The following GAREM1 variants were observed in gnomAD, a reference collection of about 807,000 sequenced individuals.
GAREM1 encodes the protein GRB2 associated regulator of MAPK1 subtype 1.
GAREM1 carries 26 observed loss-of-function variants against 71.3 expected under a neutral mutation model. That is an observed-to-expected ratio of 0.36 (90% CI 0.27 to 0.51). The LOEUF (loss-of-function observed/expected upper bound fraction) is 0.51. Among genes scored for constraint, GAREM1 ranks in the 20% least tolerant of loss-of-function variants. GAREM1 has a pLI of 0.95. For synonymous variants in GAREM1, 440 were observed against 433.2 expected (o/e 1.02, Z -0.20); for missense variants, 1,026 against 1,103.1 (o/e 0.93, Z 0.99).
At chr18:32,301,416 A>C (rs2047200769) in intron 3 of GAREM1, among the ~76,000 whole-genome samples, 1 of 152,312 alleles carries the variant, frequency 6.6e-6, no homozygotes, top group African/African-American at 2.4e-5. Flanking sequence ...AACATGAAAG[A>C]GCCAATCCTC....
At chr18:32,419,310 A>G (rs150908702) in intron 1 of GAREM1, among the ~76,000 whole-genome samples, 2 of 152,276 alleles carry the variant, frequency 1.3e-5, no homozygotes, top group East Asian at 3.9e-4. Flanking sequence ...ATGGATAATA[A>G]GCTGAATGCT....
intron 1 of GAREM1, among the ~76,000 whole-genome samples, chr18:32,466,497 A>T (rs188443013): frequency 6.6e-6 from 1 of 152,222 alleles, no homozygotes; most frequent in Non-Finnish European, 1.5e-5. Flanking sequence ...GAAAAGTTTT[A>T]GCATTTAACT....
intron 4 of GAREM1, among the ~76,000 whole-genome samples, chr18:32,271,046 C>T (rs2041455153): frequency 6.6e-6 from 1 of 151,102 alleles, no homozygotes; most frequent in Non-Finnish European, 1.5e-5. Context: ...GGTGGGACCA[C>T]AGGTGTGCGC....
In GAREM1 at chr18:32,444,186, C is replaced by T. The variant is rs188387417; in HGVS notation, c.121+26122G>A. ...AGTGATAAAAATGTTCTGGAATTAA[C>T]AAATGGTGATGGTTGCACAACTCTG... On this transcript the variant is annotated intron_variant, in intron 1 of 5. Coordinates refer to ENST00000269209, the MANE Select transcript of GAREM1 (RefSeq NM_001242409.2). Among the ~76,000 whole-genome samples the T allele has an allele frequency of 3.5e-4, 53 of 152,250 alleles. 2 individuals carry two copies. Among genetic ancestry groups the T allele is most frequent in the Admixed American group, 2.2e-3 (34 of 15,284 alleles).
chr18:32,325,679 A>T (rs890735781), intron 2 of GAREM1, among the ~76,000 whole-genome samples: 1 of 152,190 alleles, frequency 6.6e-6, no homozygotes, highest in African/African-American at 2.4e-5. Flanking sequence ...GATTCAACAT[A>T]ATACTCACTG....
At chr18:32,340,261 G>C (rs2047635314) in intron 2 of GAREM1, among the ~76,000 whole-genome samples, 2 of 152,298 alleles carry the variant, frequency 1.3e-5, no homozygotes, top group South Asian at 4.1e-4. Flanking sequence ...GACAAGTGAT[G>C]GGTGTCAGTT....
chr18:32,363,088 A>C, intron 2 of GAREM1, among the ~76,000 whole-genome samples: 1 of 152,190 alleles, frequency 6.6e-6, no homozygotes, highest in East Asian at 1.9e-4. Flanking sequence ...TTAGTTTTGA[A>C]TCCAAATTGA....
intron 1 of GAREM1, among the ~76,000 whole-genome samples, chr18:32,422,404 T>TC (rs1399922077): frequency 6.6e-6 from 1 of 152,100 alleles, no homozygotes; most frequent in Non-Finnish European, 1.5e-5. Context: ...CTGGTACACC[T>TC]CTTCCCCAGG....
chr18:32,395,509 T>C (rs895947051), intron 1 of GAREM1, among the ~76,000 whole-genome samples: 2 of 152,208 alleles, frequency 1.3e-5, no homozygotes, highest in African/African-American at 4.8e-5. Flanking sequence ...AGTTCACACA[T>C]TTATTTTTAA....
At chr18:32,271,513 G>T (rs546620274) in intron 4 of GAREM1, among the ~76,000 whole-genome samples, 35 of 152,280 alleles carry the variant, frequency 2.3e-4, no homozygotes, top group African/African-American at 8.4e-4. Context: ...ATATGAGTGT[G>T]TATCATCTAG....
chr18:32,444,872 G>A (rs555547717), intron 1 of GAREM1, among the ~76,000 whole-genome samples: 3 of 152,282 alleles, frequency 2.0e-5, no homozygotes, highest in African/African-American at 7.2e-5. Flanking sequence ...TAACAGACAT[G>A]TTTGAGAGAT....
intron 2 of GAREM1, among the ~76,000 whole-genome samples, chr18:32,356,625 G>C (rs1316664284): frequency 6.6e-6 from 1 of 152,070 alleles, no homozygotes; most frequent in Non-Finnish European, 1.5e-5. Context: ...TACTGTACAA[G>C]TGTCTTATAT....
intron 4 of GAREM1, among the ~76,000 whole-genome samples, chr18:32,272,086 T>C (rs1323590076): frequency 6.6e-6 from 1 of 152,138 alleles, no homozygotes; most frequent in Non-Finnish European, 1.5e-5. Context: ...GATAAGACAA[T>C]GAAACAGCAA....
intron 2 of GAREM1, among the ~76,000 whole-genome samples, chr18:32,369,294 C>A (rs1477490146): frequency 6.6e-6 from 1 of 152,174 alleles, no homozygotes. Flanking sequence ...AATTTTTATA[C>A]GTTTTTGAGC....
chr18:32,458,259 T>G (rs1213207929), intron 1 of GAREM1, among the ~76,000 whole-genome samples: 1 of 152,092 alleles, frequency 6.6e-6, no homozygotes, highest in Non-Finnish European at 1.5e-5. Context: ...GCACAGGAAT[T>G]TATCAACAAT....
intron 2 of GAREM1, among the ~76,000 whole-genome samples, chr18:32,364,027 T>TATATATATATATG (rs1567980849): frequency 3.0e-5 from 2 of 66,506 alleles, no homozygotes; most frequent in African/African-American, 9.5e-5. Context: ...TATATATATA[T>TATATATATATATG]GTTTTTTTTT....
intron 1 of GAREM1, among the ~76,000 whole-genome samples, chr18:32,430,823 A>C (rs558341882): frequency 6.6e-6 from 1 of 152,296 alleles, no homozygotes; most frequent in South Asian, 2.1e-4. Context: ...TGCTTTTTAA[A>C]TCTCTTTGTA....
chr18:32,401,904 A>G (rs189657953), intron 1 of GAREM1, among the ~76,000 whole-genome samples: 1 of 152,274 alleles, frequency 6.6e-6, no homozygotes, highest in Admixed American at 6.5e-5. Context: ...TGTAGTAAAC[A>G]CTCCAGCAAG....
intron 1 of GAREM1, among the ~76,000 whole-genome samples, chr18:32,400,507 G>C (rs1024879189): frequency 1.3e-5 from 2 of 152,126 alleles, no homozygotes; most frequent in Non-Finnish European, 2.9e-5. Context: ...TCAACAAGTG[G>C]GTGAAGGATA....
Sources: gnomAD v4.1 joint callset for allele counts (sites outside exome capture counted in the v4.1 genomes callset) on GRCh38, gnomAD v4.1.1 for gene constraint, MANE v1.5 for transcripts, NCBI Gene and HGNC (gene_info 2026-07-23, HGNC 2026-07-21) for gene names.